SIPA1L1: variants seen among roughly 807,000 people sequenced by gnomAD.
SIPA1L1 encodes signal-induced proliferation-associated 1-like protein 1.
Under a neutral mutation model 162.7 loss-of-function variants are expected in SIPA1L1, and 26 were observed. That is an observed-to-expected ratio of 0.16 (90% confidence interval 0.12 to 0.22). SIPA1L1 has a LOEUF of 0.22. Among genes scored for constraint, SIPA1L1 ranks in the 10% least tolerant of loss-of-function variants. The probability of loss-of-function intolerance (pLI) is 1.00; values close to 1 mark genes in which losing one functional copy is unlikely to be tolerated. For synonymous variants in SIPA1L1, 829 were observed against 837.4 expected (o/e 0.99, Z 0.17); for missense variants, 1,874 against 2,241.0 (o/e 0.84, Z 3.31).
intron 2 of SIPA1L1, among the ~76,000 whole-genome samples, chr14:71,452,994 G>C (rs923778351): frequency 1.2e-4 from 18 of 152,134 alleles, no homozygotes; most frequent in African/African-American, 4.3e-4. Flanking sequence ...ATCACTAATA[G>C]ATACAACATC....
At chr14:71,557,612 G>A (rs1301447499) in intron 4 of SIPA1L1, among the ~76,000 whole-genome samples, 1 of 152,060 alleles carries the variant, frequency 6.6e-6, no homozygotes, top group African/African-American at 2.4e-5. Context: ...GGATCGTTGC[G>A]AAAGTACCTT....
At chr14:71,396,505 G>T (rs1037485962) in intron 2 of SIPA1L1, among the ~76,000 whole-genome samples, 3 of 152,126 alleles carry the variant, frequency 2.0e-5, no homozygotes, top group African/African-American at 7.2e-5. Flanking sequence ...ACTTGGGTTT[G>T]TGTGTTTTTT....
At chr14:71,448,438 G>GT (rs2045575920) in intron 2 of SIPA1L1, among the ~76,000 whole-genome samples, 1 of 152,138 alleles carries the variant, frequency 6.6e-6, no homozygotes, top group Admixed American at 6.6e-5. Context: ...CTTGCCCAAG[G>GT]TTTATGGGGC....
intron 2 of SIPA1L1, among the ~76,000 whole-genome samples, chr14:71,337,418 G>T (rs1409779215): frequency 6.6e-6 from 1 of 152,136 alleles, no homozygotes; most frequent in African/African-American, 2.4e-5. Context: ...AAGGAAAGAG[G>T]CTTAATGGAC....
intron 9 of SIPA1L1, 141 bp from the exon 10 acceptor site, chr14:71,661,169 T>G: frequency 1.3e-6 from 1 of 761,108 alleles, no homozygotes; most frequent in Non-Finnish European, 2.1e-6. Flanking sequence ...GGTGAAAACA[T>G]TGACAGTACC....
chr14:71,387,831 C>T (rs112236014), intron 2 of SIPA1L1, among the ~76,000 whole-genome samples: 2,683 of 152,248 alleles, frequency 0.018, 29 homozygotes, highest in African/African-American at 0.026. Context: ...TTTCTTGAGC[C>T]ATTAAAATGG....
chr14:71,357,915 A>G (rs1210688048), intron 2 of SIPA1L1, among the ~76,000 whole-genome samples: 4 of 152,114 alleles, frequency 2.6e-5, no homozygotes, highest in Non-Finnish European at 5.9e-5. Context: ...TATTATTAGT[A>G]GAGACGAGGT....
intron 4 of SIPA1L1, among the ~76,000 whole-genome samples, chr14:71,578,765 C>T (rs1049909806): frequency 3.9e-5 from 6 of 152,218 alleles, no homozygotes; most frequent in Admixed American, 2.0e-4. Context: ...GTCCATGGTA[C>T]AGATCAAACA....
intron 2 of SIPA1L1, among the ~76,000 whole-genome samples, chr14:71,363,500 T>C (rs1274465786): frequency 1.3e-5 from 2 of 152,194 alleles, no homozygotes; most frequent in Non-Finnish European, 2.9e-5. Flanking sequence ...AAGTAACACA[T>C]TGGCTTTTTA....
intron 2 of SIPA1L1, among the ~76,000 whole-genome samples, chr14:71,480,302 C>A (rs1229337974): frequency 6.6e-6 from 1 of 151,314 alleles, no homozygotes; most frequent in African/African-American, 2.4e-5. Context: ...CCAGGCCAGT[C>A]TTGAACTCCT....
chr14:71,640,744 C>T (rs1339550345), intron 7 of SIPA1L1, among the ~76,000 whole-genome samples: 4 of 152,202 alleles, frequency 2.6e-5, no homozygotes, highest in African/African-American at 4.8e-5. Context: ...TGTGCCTCAG[C>T]CTCCCGCAGA....
intron 2 of SIPA1L1, among the ~76,000 whole-genome samples, chr14:71,443,516 G>A (rs538675414): frequency 2.6e-4 from 40 of 152,242 alleles, no homozygotes; most frequent in African/African-American, 8.7e-4. Context: ...CACTTATCAA[G>A]TTGAAGCAGA....
At chr14:71,603,920 A>AATATATATATATTTATATATCTATAT (rs2037121464) in intron 5 of SIPA1L1, among the ~76,000 whole-genome samples, 2 of 141,334 alleles carry the variant, frequency 1.4e-5, no homozygotes, top group East Asian at 3.9e-4. Context: ...GATATATATA[A>AATATATATATATTTATATATCTATAT]ATATATATAT....
At chr14:71,401,817 CATAAAT>C (rs1331863651) in intron 2 of SIPA1L1, among the ~76,000 whole-genome samples, 65 of 152,090 alleles carry the variant, frequency 4.3e-4, no homozygotes, top group African/African-American at 1.4e-3. Context: ...TCTTATCACT[CATAAAT>C]ATAAGATTTT....
intron 4 of SIPA1L1, among the ~76,000 whole-genome samples, chr14:71,542,565 CCTTCT>C (rs1331754379): frequency 2.1e-5 from 3 of 141,484 alleles, no homozygotes; most frequent in Non-Finnish European, 4.7e-5. Context: ...TCCTCTTCCT[CCTTCT>C]CTTCCTCCTC....
At chr14:71,571,466 A>G (rs899230281) in intron 4 of SIPA1L1, among the ~76,000 whole-genome samples, 1 of 152,156 alleles carries the variant, frequency 6.6e-6, no homozygotes, top group African/African-American at 2.4e-5. Context: ...TAAACAGATG[A>G]TCCTAAAAAA....
At chr14:71,676,802 T>C (rs2045249832) in intron 12 of SIPA1L1, among the ~76,000 whole-genome samples, 1 of 152,118 alleles carries the variant, frequency 6.6e-6, no homozygotes, top group Non-Finnish European at 1.5e-5. Context: ...CAAAGGACAT[T>C]AATTCATCCT....
At chr14:71,725,713 C>T (rs1056499405) in intron 19 of SIPA1L1, among the ~76,000 whole-genome samples, 5 of 152,134 alleles carry the variant, frequency 3.3e-5, no homozygotes, top group East Asian at 1.9e-4. Context: ...CCTGAAGTTA[C>T]GTCACTCTGA....
intron 2 of SIPA1L1, among the ~76,000 whole-genome samples, chr14:71,336,345 C>T (rs2035088629): frequency 1.3e-5 from 2 of 152,128 alleles, no homozygotes; most frequent in Non-Finnish European, 1.5e-5. Context: ...TGCAGTCACC[C>T]CCCATTTCTT....
Sources: allele counts gnomAD v4.1 joint callset (sites outside exome capture counted in the v4.1 genomes callset), GRCh38; gene constraint gnomAD v4.1.1; transcripts MANE v1.5; gene names NCBI Gene and HGNC (gene_info 2026-07-23, HGNC 2026-07-21).